MILR1: variants seen among roughly 807,000 people sequenced by gnomAD.
MILR1 encodes allergin-1.
A neutral mutation model predicts 18.5 loss-of-function variants in MILR1; 31 were observed. That is an observed-to-expected ratio of 1.68 (90% confidence interval 1.26 to 2.26). The LOEUF is 2.26. MILR1 is among the 30% of genes most tolerant of loss of function. The pLI is 0.00. For missense variants in MILR1, 257 were observed against 157.4 expected, an observed-to-expected ratio of 1.63 and a Z score of -3.38; for synonymous variants, 85 against 56.2, an observed-to-expected ratio of 1.51 and a Z score of -2.30.
intron 3 of MILR1, among the ~76,000 whole-genome samples, chr17:64,453,716 CT>C (rs1456857945): frequency 2.6e-5 from 4 of 151,820 alleles, no homozygotes; most frequent in African/African-American, 9.7e-5. Flanking sequence ...AAGCCTGTTA[CT>C]GCCTAGCATT....
chr17:64,467,626 G>A lies in MILR1; in HGVS notation c.*9G>A, dbSNP rs2037604184. 1.3e-6 allele frequency: 2 copies of A among 1,558,318 alleles called. No individual in the cohort carries two copies. Among genetic ancestry groups the A allele is most frequent in the Middle Eastern group, 1.7e-4 (1 of 5,984 alleles). On this transcript the variant is annotated 3_prime_UTR_variant, in exon 9 of 10. Transcript: ENST00000619286. ...CTGAACTCAACTTCTGAAATTTACAGAAACAAACTACATCTCAGGGTAAGA... is the reference window on the plus strand; with the variant it reads ...CTGAACTCAACTTCTGAAATTTACAAAAACAAACTACATCTCAGGGTAAGA...
chr17:64,491,938 A>C, the MILR1 span: 13 of 219,848 alleles, frequency 5.9e-5, no homozygotes, highest in African/African-American at 1.9e-4. Context: ...AAAAAAAAAA[A>C]CAAAAAAAAA....
At chr17:64,496,790 G>A in the MILR1 span, 1 of 1,613,732 alleles carries the variant, frequency 6.2e-7, no homozygotes, top group South Asian at 1.1e-5. Context: ...TCCAGACCCG[G>A]GGGCTTCTGG....
At chr17:64,490,393 T>TA in the MILR1 span, 1 of 237,650 alleles carries the variant, frequency 4.2e-6, no homozygotes, top group Non-Finnish European at 8.4e-6. Flanking sequence ...CAAAAATACA[T>TA]AAATCACGTG....
the MILR1 span, among the ~76,000 whole-genome samples, chr17:64,478,646 C>G: frequency 6.6e-6 from 1 of 152,056 alleles, no homozygotes; most frequent in South Asian, 2.1e-4. Context: ...GCCTGTAATC[C>G]CAGCACTTTG....
chr17:64,470,446 A>C (rs1389619383), downstream of MILR1, among the ~76,000 whole-genome samples: 2 of 152,220 alleles, frequency 1.3e-5, no homozygotes, highest in African/African-American at 4.8e-5. Flanking sequence ...AATTGGTTAA[A>C]ATGGTAAAAA....
chr17:64,492,229 T>C, the MILR1 span, among the ~76,000 whole-genome samples: 7 of 152,302 alleles, frequency 4.6e-5, no homozygotes, highest in Non-Finnish European at 8.8e-5. Flanking sequence ...AGTCGGGAAA[T>C]GGTAACATAA....
intron 9 of MILR1, chr17:64,468,013 A>G: frequency 3.2e-6 from 1 of 311,464 alleles, no homozygotes; most frequent in Non-Finnish European, 6.3e-6. Flanking sequence ...GATTTAGCTA[A>G]TGCCAAAGGT....
chr17:64,457,811 C>T, intron 4 of MILR1, 127 bp downstream of exon 4: 1 of 453,786 alleles, frequency 2.2e-6, no homozygotes, highest in Non-Finnish European at 3.9e-6. Context: ...GTGCATTTGT[C>T]AAGGTAGAAG....
In MILR1 at chr17:64,466,627, C is replaced by A; in HGVS notation, c.944C>A (p.Thr315Asn). The change falls in exon 8 of 10, where the codon ACC becomes AAC. Residue 315 changes from threonine (T) to asparagine (N), a missense_variant. Thr to Asn is a moderately conservative substitution (Grantham distance 65, BLOSUM62 0). Coordinates refer to ENST00000619286, the MANE Select transcript of MILR1 (RefSeq NM_001085423.2). ...CACTCCCAGGAGCTACAGTATGCCA[C>A]CCCCGTGTTCCAGGAGGTGGCACCA... ...AKHSQELQYA[T>N]PVFQEVAPRE... 6.2e-7 allele frequency: 1 copy of A among 1,610,308 alleles called. No individual in the cohort carries two copies.
In MILR1 at chr17:64,460,893, C is replaced by T. The variant is rs2037416456; in HGVS notation, c.724C>T (p.Leu242=). 3 of 474,990 alleles carry T rather than the reference C, an allele frequency of 6.3e-6. No individual in the cohort carries two copies. Among genetic ancestry groups the T allele is most frequent in the African/African-American group, 4.0e-5 (2 of 50,462 alleles). 29.4% of individuals were successfully genotyped at this position (474,990 alleles called of 1,614,324 possible). The change falls in exon 5 of 10, where the codon CTA becomes TTA. Residue 242 remains leucine, a synonymous_variant. Transcript: ENST00000619286. ...GLLLLLVVII[L]ILAFWVLPKY... ...ATTACTGTTGCTGGTGGTGATAATC[C>T]TAATTCTGGCTTTTTGGGTACTGCC...
chr17:64,454,624 C>T (rs2037249920), intron 3 of MILR1, among the ~76,000 whole-genome samples: 1 of 152,114 alleles, frequency 6.6e-6, no homozygotes, highest in South Asian at 2.1e-4. Context: ...ATATCTTCTC[C>T]AGAGAAATGC....
the MILR1 span, chr17:64,497,118 T>G: frequency 1.3e-6 from 1 of 796,558 alleles, no homozygotes; most frequent in South Asian, 1.5e-5. Context: ...CGGAAGCGCA[T>G]GTCTGCGTTC....
the MILR1 span, among the ~76,000 whole-genome samples, chr17:64,484,976 A>G: frequency 6.6e-6 from 1 of 152,176 alleles, no homozygotes; most frequent in South Asian, 2.1e-4. Flanking sequence ...CCACATTTAA[A>G]CTAATAGTGC....
the MILR1 span, chr17:64,492,843 C>T: frequency 6.2e-7 from 1 of 1,608,692 alleles, no homozygotes; most frequent in Non-Finnish European, 8.5e-7. Flanking sequence ...GTGGAAATGA[C>T]TGGTTTTTGA....
intron 8 of MILR1, among the ~76,000 whole-genome samples, chr17:64,466,884 G>GA (rs1176720488): frequency 8.6e-5 from 13 of 151,738 alleles, no homozygotes; most frequent in Non-Finnish European, 1.6e-4. Flanking sequence ...GAATGTCATA[G>GA]AAAAAAAACC....
At chr17:64,491,174 G>A in the MILR1 span, among the ~76,000 whole-genome samples, 2 of 152,118 alleles carry the variant, frequency 1.3e-5, no homozygotes, top group Non-Finnish European at 2.9e-5. Context: ...CCAGGTTAGA[G>A]TGCAGTGGCT....
the MILR1 span, among the ~76,000 whole-genome samples, chr17:64,481,042 C>T: frequency 9.6e-4 from 146 of 152,282 alleles, no homozygotes; most frequent in African/African-American, 3.4e-3. Flanking sequence ...AACAGTCTAG[C>T]ACCAACAGTC....
rs886080039 is a variant in MILR1, at chr17:64,468,590, T to C, written c.*309T>C. 2.4e-4 allele frequency: 273 copies of C among 1,150,044 alleles called. No individual in the cohort carries two copies. The highest frequency in any genetic ancestry group is 2.9e-4 in the Non-Finnish European group (266 of 924,888). 71.2% of individuals were successfully genotyped at this position (1,150,044 alleles called of 1,614,324 possible). On this transcript the variant is annotated 3_prime_UTR_variant, in exon 10 of 10. Coordinates refer to ENST00000619286, the MANE Select transcript of MILR1 (RefSeq NM_001085423.2). ...AAGCCTGAGCCACCGTGCCCGGCCC[T>C]GAATCGCTTTAGTAAATAAAGGGTC...
Sources: allele counts gnomAD v4.1 joint callset (sites outside exome capture counted in the v4.1 genomes callset), GRCh38; gene constraint gnomAD v4.1.1; transcripts MANE v1.5; gene names NCBI Gene and HGNC (gene_info 2026-07-23, HGNC 2026-07-21).